The following ELAVL4 variants were observed in gnomAD, a reference collection of about 807,000 sequenced individuals.
The protein encoded by ELAVL4 is ELAV-like protein 4.
Under a neutral mutation model 35.6 loss-of-function variants are expected in ELAVL4, and 1 was observed. The observed-to-expected ratio is 0.03, with a 90% CI of 0.01 to 0.13. The LOEUF is 0.13. ELAVL4 is among the 10% of genes least tolerant of loss of function. The probability of loss-of-function intolerance (pLI) is 1.00; values close to 1 mark genes in which losing one functional copy is unlikely to be tolerated. For synonymous variants in ELAVL4, 156 were observed against 171.0 expected, an observed-to-expected ratio of 0.91 and a Z score of 0.69; for missense variants, 267 against 464.9, an observed-to-expected ratio of 0.57 and a Z score of 3.91.
At chr1:50,173,543 G>A (rs2148815137) in intron 2 of ELAVL4, among the ~76,000 whole-genome samples, 1 of 152,320 alleles carries the variant, frequency 6.6e-6, no homozygotes, top group Middle Eastern at 3.4e-3. Flanking sequence ...GATTATTAGG[G>A]ACTGGTCACA....
At chr1:50,116,322 T>C (rs1667931766) in intron 1 of ELAVL4, among the ~76,000 whole-genome samples, 1 of 152,182 alleles carries the variant, frequency 6.6e-6, no homozygotes, top group African/African-American at 2.4e-5. Context: ...GTGACCGTTT[T>C]GGCATGCCAA....
upstream of ELAVL4, among the ~76,000 whole-genome samples, chr1:50,103,150 T>C (rs777570965): frequency 1.3e-5 from 2 of 152,212 alleles, no homozygotes; most frequent in Non-Finnish European, 2.9e-5. Context: ...CTTAGGTCCA[T>C]TTACCTGCAC....
chr1:50,083,039 G>A lies in ELAVL4; in HGVS notation c.18+34857G>A, dbSNP rs972793053. Among the ~76,000 whole-genome samples the A allele has an allele frequency of 4.3e-4, 66 of 152,138 alleles. 2 individuals are homozygous for A. The highest frequency in any genetic ancestry group is 1.6e-3 in the African/African-American group (66 of 41,528). ...GAAAAAGCATTGGCCAGGAAGTTTA[G>A]CTCTCCTAGAGAATAATACCAACAG... On this transcript the variant is annotated intron_variant, in intron 1 of 6. Coordinates refer to the ELAVL4 transcript ENST00000448907.
chr1:50,122,778 A>G (rs1669248098), intron 1 of ELAVL4, among the ~76,000 whole-genome samples: 1 of 152,128 alleles, frequency 6.6e-6, no homozygotes, highest in African/African-American at 2.4e-5. Flanking sequence ...GAAAATTGTT[A>G]TTATCATTGT....
chr1:50,128,299 T>C lies in ELAVL4; in HGVS notation c.10-16658T>C, dbSNP rs183481898. Among the ~76,000 whole-genome samples the C allele has an allele frequency of 9.9e-5, 15 of 152,208 alleles. 1 individual carries two copies. The East Asian group carries it at 2.9e-3, about 29-fold the overall frequency. On this transcript the variant is annotated intron_variant, in intron 1 of 6. Coordinates refer to ENST00000371824, the MANE Select transcript of ELAVL4 (RefSeq NM_001144774.3). ...AACAATGATGAGGGCAATATAGCTT[T>C]AAAAGAATGAATTCACTCTTACTTT...
intron 1 of ELAVL4, among the ~76,000 whole-genome samples, chr1:50,062,340 C>T (rs1664031912): frequency 6.6e-6 from 1 of 152,028 alleles, no homozygotes; most frequent in African/African-American, 2.4e-5. Flanking sequence ...CTTCTTCTAC[C>T]TCTGAATGGA....
chr1:50,109,123 T>C lies in ELAVL4; in HGVS notation c.-67T>C, dbSNP rs961179260. 8 of 1,561,670 alleles carry C rather than the reference T, an allele frequency of 5.1e-6. No homozygotes were observed. In the Admixed American group the frequency reaches 1.1e-4, roughly 22 times the overall value. On this transcript the variant is annotated 5_prime_UTR_variant, in exon 1 of 7. Coordinates refer to ENST00000371824, the MANE Select transcript of ELAVL4 (RefSeq NM_001144774.3). ...AATAGTAGTCATTTTAAATATATAT[T>C]CTGAAATCTTTGCAAATTTTAACAG...
intron 1 of ELAVL4, among the ~76,000 whole-genome samples, chr1:50,066,828 A>G (rs1425247242): frequency 6.6e-6 from 1 of 152,182 alleles, no homozygotes; most frequent in African/African-American, 2.4e-5. Context: ...TCCTGAATGC[A>G]GATGCCAAAG....
At chr1:50,133,774 G>T (rs1671426930) in intron 1 of ELAVL4, among the ~76,000 whole-genome samples, 1 of 152,142 alleles carries the variant, frequency 6.6e-6, no homozygotes, top group African/African-American at 2.4e-5. Context: ...ATCTTTTCAT[G>T]AATGAACATG....
In ELAVL4 at chr1:50,132,930, C is replaced by T. The variant is rs573236704; in HGVS notation, c.10-12027C>T. ...TAGTGTTTTTTATTTTTCCCTCCTA[C>T]TCTGTACTTGTTTATATAATTGAGA... is the stretch of plus-strand genomic sequence containing the variant. On this transcript the variant is annotated intron_variant, in intron 1 of 6. Transcript: ENST00000371824. Among the ~76,000 whole-genome samples the T allele has an allele frequency of 1.1e-4, 17 of 152,278 alleles. No homozygotes were observed. The East Asian group carries it at 2.7e-3, about 24-fold the overall frequency.
intron 2 of ELAVL4, among the ~76,000 whole-genome samples, chr1:50,167,744 G>A (rs1212701205): frequency 6.6e-6 from 1 of 152,134 alleles, no homozygotes; most frequent in African/African-American, 2.4e-5. Context: ...CACATAATGG[G>A]CCATTCTATC....
intron 1 of ELAVL4, among the ~76,000 whole-genome samples, chr1:50,059,767 T>C (rs1663864639): frequency 6.6e-6 from 1 of 152,238 alleles, no homozygotes; most frequent in South Asian, 2.1e-4. Flanking sequence ...CAGTGGAATA[T>C]TATTCAGCCA....
intron 1 of ELAVL4, chr1:50,109,652 A>G (rs1298349619): frequency 4.2e-6 from 2 of 475,454 alleles, no homozygotes; most frequent in Non-Finnish European, 7.7e-6. Context: ...GCTCCTGGAT[A>G]CTGAACACTG....
intron 1 of ELAVL4, among the ~76,000 whole-genome samples, chr1:50,086,985 C>T (rs1375800770): frequency 6.6e-6 from 1 of 152,080 alleles, no homozygotes; most frequent in Non-Finnish European, 1.5e-5. Context: ...CCATTGTTCC[C>T]ATCTATTTTT....
Position 50,201,388 on chromosome 1 carries a change from A to AAC in ELAVL4, c.*211_*212insCA. 1 of 426,122 alleles carries AAC rather than the reference A, an allele frequency of 2.3e-6. No individual in the cohort carries two copies. Among genetic ancestry groups the AAC allele is most frequent in the African/African-American group, 2.1e-5 (1 of 47,472 alleles). The allele number at this position is 426,122 out of a possible 1,614,324, so 26.4% of individuals were successfully genotyped here. A position where few individuals can be genotyped will look rare whatever the true frequency, so the allele number is the denominator to read the frequency against. Reference sequence around the variant, plus strand: ...AAGGATTTTATAATGCTTAGAAAAAAAGAAAAAAAAAAAACAAAAAATACC... The same window carrying AAC: ...AAGGATTTTATAATGCTTAGAAAAAAACAGAAAAAAAAAAAACAAAAAATACC... On this transcript the variant is annotated 3_prime_UTR_variant, in exon 7 of 7. Coordinates refer to ENST00000371824, the MANE Select transcript of ELAVL4 (RefSeq NM_001144774.3). This position sits in a 1 kb window ranked among gnomAD's most constrained non-coding sequence, Gnocchi z 4.3.
At chr1:50,115,226 AT>A (rs1295582548) in intron 1 of ELAVL4, 4 of 152,140 alleles carry the variant, frequency 2.6e-5, no homozygotes, top group Admixed American at 6.6e-5. Context: ...TCTCCCCTCA[AT>A]AAAGATCCCC....
At chr1:50,048,700 A>G (rs4454586) in intron 1 of ELAVL4, among the ~76,000 whole-genome samples, 63,854 of 152,106 alleles carry the variant, frequency 0.42, 15,891 homozygotes, top group Non-Finnish European at 0.56. Context: ...ATTGTCTCAC[A>G]GGGAGGGCAG....
At chr1:50,082,571 A>G (rs995704484) in intron 1 of ELAVL4, among the ~76,000 whole-genome samples, 19 of 152,094 alleles carry the variant, frequency 1.2e-4, no homozygotes, top group Admixed American at 4.6e-4. Context: ...GATTCTGGGT[A>G]TTAGCCCTTT....
At chr1:50,064,564 G>T (rs1283197210) in intron 1 of ELAVL4, among the ~76,000 whole-genome samples, 1 of 152,042 alleles carries the variant, frequency 6.6e-6, no homozygotes, top group East Asian at 1.9e-4. Flanking sequence ...TACATACTAG[G>T]AATTGGCCTT....
Sources: allele counts gnomAD v4.1 joint callset (sites outside exome capture counted in the v4.1 genomes callset), GRCh38; gene constraint gnomAD v4.1.1; non-coding constraint Gnocchi (gnomAD v3.1); transcripts MANE v1.5; gene names NCBI Gene and HGNC (gene_info 2026-07-23, HGNC 2026-07-21).